DAB1: variants seen among roughly 807,000 people sequenced by gnomAD.
DAB1 encodes disabled homolog 1.
In DAB1, 15 loss-of-function variants were observed where a neutral mutation model predicts 64.6. That is an observed-to-expected ratio of 0.23 (90% CI 0.16 to 0.36). The LOEUF (loss-of-function observed/expected upper bound fraction) is 0.36, where lower values mean the gene tolerates loss of function less well. DAB1 is among the 10% of genes least tolerant of loss of function. DAB1 has a pLI of 1.00. For synonymous variants in DAB1, 235 were observed against 251.9 expected, an observed-to-expected ratio of 0.93 and a Z score of 0.64; for missense variants, 596 against 706.7, an observed-to-expected ratio of 0.84 and a Z score of 1.78.
At chr1:57,472,735 C>T (rs185323590) in intron 7 of DAB1, among the ~76,000 whole-genome samples, 1 of 152,244 alleles carries the variant, frequency 6.6e-6, no homozygotes, top group Admixed American at 6.5e-5. Context: ...AGACAGGAGT[C>T]TTGCCGATGC....
intron 5 of DAB1, among the ~76,000 whole-genome samples, chr1:57,952,712 T>C (rs1042045093): frequency 6.6e-6 from 1 of 152,038 alleles, no homozygotes; most frequent in East Asian, 1.9e-4. Context: ...AGATAATCCA[T>C]GGAAAAAAGC....
intron 1 of DAB1, among the ~76,000 whole-genome samples, chr1:57,851,675 A>G (rs72666115): frequency 0.076 from 11,530 of 152,266 alleles, 672 homozygotes; most frequent in Admixed American, 0.21. Context: ...AGATATTAGA[A>G]GAGTCTTTCT....
rs557380996 is a variant in DAB1 at position 58,042,465 on chromosome 1, A to C, written n.387+108046T>G. ...AAACCCCCAGAGCTGCCAGTTATTA[A>C]GTTTCTACTACATGCCAGCCTTTCA... On this transcript the variant is annotated intron_variant and non_coding_transcript_variant, in intron 5 of 20. Transcript: ENST00000485760. 6.6e-5 allele frequency among the ~76,000 whole-genome samples: 10 copies of C among 152,326 alleles called. No homozygotes were observed. In the East Asian group the frequency reaches 1.9e-3, roughly 29 times the overall value.
intron 6 of DAB1, among the ~76,000 whole-genome samples, chr1:57,687,977 A>T (rs990754902): frequency 6.6e-6 from 1 of 152,178 alleles, no homozygotes; most frequent in African/African-American, 2.4e-5. Flanking sequence ...AAAATCTAGG[A>T]AATATCCTTC....
At chr1:57,482,156 T>C (rs1381541897) in intron 7 of DAB1, among the ~76,000 whole-genome samples, 1 of 151,974 alleles carries the variant, frequency 6.6e-6, no homozygotes, top group Non-Finnish European at 1.5e-5. Context: ...TTTTTCCCCT[T>C]CAGACAGAGA....
chr1:57,477,966 A>C (rs1390684260), intron 7 of DAB1, among the ~76,000 whole-genome samples: 1 of 150,264 alleles, frequency 6.7e-6, no homozygotes, highest in Non-Finnish European at 1.5e-5. Flanking sequence ...GGTTTGTTAC[A>C]TATGTATACA....
intron 1 of DAB1, among the ~76,000 whole-genome samples, chr1:57,838,786 CT>C (rs1221758394): frequency 9.2e-6 from 1 of 108,546 alleles, no homozygotes; most frequent in Admixed American, 9.2e-5. Context: ...TTTTTTTTTT[CT>C]TTTTTTTGAG....
intron 4 of DAB1, among the ~76,000 whole-genome samples, chr1:58,245,121 CT>C (rs1438828065): frequency 6.6e-6 from 1 of 152,202 alleles, no homozygotes; most frequent in Non-Finnish European, 1.5e-5. Flanking sequence ...AAGAACAGTA[CT>C]GGGGAAAAGA....
intron 6 of DAB1, among the ~76,000 whole-genome samples, chr1:57,702,689 A>G (rs1343658903): frequency 6.6e-6 from 1 of 152,170 alleles, no homozygotes; most frequent in East Asian, 1.9e-4. Context: ...TTTGGAAGAT[A>G]TTTAGTAAAT....
intron 2 of DAB1, among the ~76,000 whole-genome samples, chr1:57,251,758 A>G (rs1267086417): frequency 6.6e-6 from 1 of 152,202 alleles, no homozygotes; most frequent in Non-Finnish European, 1.5e-5. Flanking sequence ...TTTTTCACCA[A>G]ACAAAACCTG....
chr1:57,773,501 T>C (rs1649657227), intron 6 of DAB1, among the ~76,000 whole-genome samples: 1 of 152,064 alleles, frequency 6.6e-6, no homozygotes, highest in African/African-American at 2.4e-5. Context: ...GAACAAAAGT[T>C]TTTAATTCTA....
chr1:58,514,447 G>A (rs1438466367), intron 2 of DAB1, among the ~76,000 whole-genome samples: 3 of 152,146 alleles, frequency 2.0e-5, no homozygotes, highest in South Asian at 2.1e-4. Flanking sequence ...AAGATGAAAA[G>A]TATCTCTGAA....
Position 58,157,594 on chromosome 1 carries a change from C to T in DAB1, n.310-7006G>A, listed in dbSNP as rs1357614333. On this transcript the variant is annotated intron_variant and non_coding_transcript_variant, in intron 4 of 20. Coordinates refer to the DAB1 transcript ENST00000485760. ...TTTAAGTGCTTTGTAGAAAAGGAGA[C>T]AGCTTGAAAATGAGGGTGTTCTAGG... 2.0e-5 allele frequency among the ~76,000 whole-genome samples: 3 copies of T among 152,268 alleles called. No homozygotes were observed. In the South Asian group the frequency reaches 6.2e-4, roughly 32 times the overall value.
chr1:57,563,358 A>G (rs1035024412), intron 7 of DAB1, among the ~76,000 whole-genome samples: 9 of 152,230 alleles, frequency 5.9e-5, no homozygotes, highest in African/African-American at 1.9e-4. Context: ...AGCTCCCAGC[A>G]TGAGCGACGC....
chr1:57,757,033 C>T (rs1648841962), intron 6 of DAB1, among the ~76,000 whole-genome samples: 1 of 151,984 alleles, frequency 6.6e-6, no homozygotes, highest in South Asian at 2.1e-4. Context: ...TGTTGATCAG[C>T]TATGGAAGGT....
At chr1:57,364,590 A>G (rs1473191002) in intron 1 of DAB1, among the ~76,000 whole-genome samples, 1 of 152,150 alleles carries the variant, frequency 6.6e-6, no homozygotes, top group African/African-American at 2.4e-5. Flanking sequence ...ATAATAAGGG[A>G]TAGAAGAATA....
At chr1:57,896,326 C>A (rs920372354) in intron 5 of DAB1, among the ~76,000 whole-genome samples, 1 of 151,794 alleles carries the variant, frequency 6.6e-6, no homozygotes, top group Admixed American at 6.6e-5. Context: ...TACTACTACT[C>A]TTATTACTAT....
chr1:58,345,476 G>T (rs1643985928), intron 3 of DAB1, among the ~76,000 whole-genome samples: 1 of 152,180 alleles, frequency 6.6e-6, no homozygotes, highest in Admixed American at 6.5e-5. Flanking sequence ...AACAAATTCA[G>T]CAGGGATGCC....
chr1:57,920,593 A>G (rs1304087393), intron 5 of DAB1, among the ~76,000 whole-genome samples: 3 of 152,102 alleles, frequency 2.0e-5, no homozygotes, highest in African/African-American at 7.2e-5. Flanking sequence ...AGGCTTTGTC[A>G]TCTCGGAGAC....
Sources: allele counts gnomAD v4.1 joint callset (sites outside exome capture counted in the v4.1 genomes callset), GRCh38; gene constraint gnomAD v4.1.1; transcripts MANE v1.5; gene names NCBI Gene and HGNC (gene_info 2026-07-23, HGNC 2026-07-21).